Variants in CD163L1 observed in about 807,000 individuals in gnomAD.
CD163L1 encodes CD163 molecule like 1, also known as scavenger receptor cysteine-rich type 1 protein M160.
Under a neutral mutation model 165.4 loss-of-function variants are expected in CD163L1, and 124 were observed. The ratio of observed to expected loss-of-function variants is 0.75; its 90% CI spans 0.65 to 0.87. CD163L1 has a LOEUF of 0.87. Among genes scored for constraint, CD163L1 ranks in the 40% least tolerant of loss-of-function variants. CD163L1 has a pLI of 0.00. For missense variants in CD163L1, 1,525 were observed against 1,799.9 expected (o/e 0.85, Z 2.76); for synonymous variants, 585 against 662.2 (o/e 0.88, Z 1.79).
chr12:7,393,655 T>A (rs1947710388), intron 8 of CD163L1, among the ~76,000 whole-genome samples: 2 of 152,190 alleles, frequency 1.3e-5, no homozygotes, highest in Admixed American at 1.3e-4. Context: ...GATGACATGA[T>A]TGTATAGTTA....
At chr12:7,337,488 T>A in the CD163L1 span, among the ~76,000 whole-genome samples, 24 of 151,356 alleles carry the variant, frequency 1.6e-4, no homozygotes, top group Admixed American at 1.4e-3. Context: ...ACACAAACAA[T>A]CCCATCAAAA....
At position 7,432,252 on chromosome 12, in the gene CD163L1, AAG is replaced by A. The variant is rs1355422443; in HGVS notation, c.766+162_766+163del. Among the ~76,000 whole-genome samples, 1 of 152,218 alleles carries A rather than the reference AAG, an allele frequency of 6.6e-6. No homozygotes were observed. The highest frequency in any genetic ancestry group is 1.9e-4 in the East Asian group (1 of 5,194). On this transcript the variant is annotated intron_variant, in intron 4 of 19. Transcript: ENST00000313599. This position sits in a 1 kb window ranked among gnomAD's most constrained non-coding sequence, Gnocchi z 4.2. ...ATTTGTTAGGAAGAGCAGTTTTAGG[AAG>A]AGTGTTTAGGAAAACTCCAGAATGG... is the stretch of plus-strand genomic sequence containing the variant.
At chr12:7,431,364 C>A (rs1400319668) in intron 4 of CD163L1, among the ~76,000 whole-genome samples, 1 of 151,742 alleles carries the variant, frequency 6.6e-6, no homozygotes, top group Admixed American at 6.6e-5. Context: ...TTGCAGTGAG[C>A]CGAGATCATG....
intron 4 of CD163L1, among the ~76,000 whole-genome samples, chr12:7,412,380 C>T (rs1213033951): frequency 6.6e-6 from 1 of 151,824 alleles, no homozygotes; most frequent in Non-Finnish European, 1.5e-5. Flanking sequence ...ACGCAGGACA[C>T]CAAAATTACA....
chr12:7,390,920 A>T (rs1947641178), intron 8 of CD163L1, among the ~76,000 whole-genome samples: 1 of 152,216 alleles, frequency 6.6e-6, no homozygotes, highest in Non-Finnish European at 1.5e-5. Flanking sequence ...GTCTTAGAGA[A>T]GGAATCTACA....
the CD163L1 span, among the ~76,000 whole-genome samples, chr12:7,336,329 T>C: frequency 2.0e-5 from 3 of 151,224 alleles, no homozygotes; most frequent in Non-Finnish European, 4.4e-5. Flanking sequence ...TATGCAGCCA[T>C]AAAAAATGAT....
the CD163L1 span, among the ~76,000 whole-genome samples, chr12:7,334,946 A>G: frequency 6.6e-6 from 1 of 152,240 alleles, no homozygotes. Flanking sequence ...GATGTGAAGG[A>G]CCTATTCAAG....
At chr12:7,402,433 T>C (rs773230945) in intron 6 of CD163L1, among the ~76,000 whole-genome samples, 4 of 152,198 alleles carry the variant, frequency 2.6e-5, no homozygotes, top group African/African-American at 9.6e-5. Context: ...ATCTATCATC[T>C]ATCAGGCTTT....
chr12:7,383,840 A>C (rs781318542), intron 8 of CD163L1, among the ~76,000 whole-genome samples: 1 of 152,352 alleles, frequency 6.6e-6, no homozygotes, highest in East Asian at 1.9e-4. Context: ...AGCCAACCCC[A>C]AAATATGAAA....
chr12:7,326,937 A>G, the CD163L1 span: 26 of 1,549,292 alleles, frequency 1.7e-5, no homozygotes, highest in South Asian at 1.2e-4. Context: ...ATGTGTCTGA[A>G]AAACAAATGA....
At chr12:7,412,359 T>A (rs1453520389) in intron 4 of CD163L1, among the ~76,000 whole-genome samples, 1 of 152,184 alleles carries the variant, frequency 6.6e-6, no homozygotes, top group Non-Finnish European at 1.5e-5. Flanking sequence ...GACACTCTCA[T>A]ATGCTGTATT....
At position 7,369,327 on chromosome 12, in the gene CD163L1, T is replaced by C; in HGVS notation, c.4039+30A>G. On this transcript the variant is annotated intron_variant, in intron 15 of 19. Transcript: ENST00000313599. This position sits in a 1 kb window ranked among gnomAD's most constrained non-coding sequence, Gnocchi z 4.9. Reference sequence around the variant, plus strand: ...GTGTTCTCTACCATTAGTGGGAGGCTCAGTTTAAGTGCAGCCTTTTCACAC... The same window carrying C: ...GTGTTCTCTACCATTAGTGGGAGGCCCAGTTTAAGTGCAGCCTTTTCACAC... 5.6e-6 allele frequency: 9 copies of C among 1,599,286 alleles called. No individual in the cohort carries two copies. Among genetic ancestry groups the C allele is most frequent in the Non-Finnish European group, 7.7e-6 (9 of 1,170,664 alleles).
chr12:7,346,698 C>T (rs1394052943), exon 5 of CD163L1: 2 of 152,186 alleles, frequency 1.3e-5, no homozygotes, highest in African/African-American at 2.4e-5. Context: ...TGGTTTACTA[C>T]AGGGAATAAT....
rs1393210167 is a variant in CD163L1 at position 7,369,841 on chromosome 12, A to T, written c.3731-176T>A. Among the ~76,000 whole-genome samples the T allele has an allele frequency of 6.6e-6, 1 of 152,208 alleles. No homozygotes were observed. Among genetic ancestry groups the T allele is most frequent in the Non-Finnish European group, 1.5e-5 (1 of 68,034 alleles). Reference sequence around the variant, plus strand: ...ACCTGTGAAGTGAATAAACCCCTATACATGACTGTGGTTTGTCCTAGTCAC... The same window carrying T: ...ACCTGTGAAGTGAATAAACCCCTATTCATGACTGTGGTTTGTCCTAGTCAC... On this transcript the variant is annotated intron_variant, in intron 14 of 19. Transcript: ENST00000313599. This position sits in a 1 kb window ranked among gnomAD's most constrained non-coding sequence, Gnocchi z 4.9.
rs746519807 is a variant in CD163L1 at position 7,403,806 on chromosome 12, T to C, written c.1137A>G (p.Ser379=). The stretch of plus-strand genomic sequence containing the variant: ...CATGAATTCTCACCTCTACTCTCCC[T>C]GAACAATTGTTACTTCCATCTGCTA... The part of the protein sequence containing the change: ...LRLADGSNNC[S]GRVEVRIHEQ... The change falls in exon 6 of 20, where the codon TCA becomes TCG. Residue 379 remains serine (S), a synonymous_variant. Coordinates refer to ENST00000313599, the MANE Select transcript of CD163L1 (RefSeq NM_174941.6). 30 of 1,613,774 alleles carry C rather than the reference T, an allele frequency of 1.9e-5. No individual in the cohort carries two copies. The South Asian group carries it at 3.2e-4, about 17-fold the overall frequency.
At chr12:7,331,747 A>T in the CD163L1 span, among the ~76,000 whole-genome samples, 99 of 152,190 alleles carry the variant, frequency 6.5e-4, no homozygotes, top group Non-Finnish European at 1.1e-3. Context: ...GAAAACTAAC[A>T]AACAGAAAGG....
At chr12:7,392,791 A>G (rs910752891) in intron 8 of CD163L1, among the ~76,000 whole-genome samples, 2 of 152,148 alleles carry the variant, frequency 1.3e-5, no homozygotes, top group Non-Finnish European at 2.9e-5. Flanking sequence ...CACTATAAAC[A>G]CCTCTACGCA....
rs765383539 is a variant in CD163L1, at chr12:7,410,518, C to T, written c.767-3666G>A. 2.5e-4 allele frequency among the ~76,000 whole-genome samples: 38 copies of T among 151,704 alleles called. No homozygotes were observed. The South Asian group carries it at 6.3e-3, about 25-fold the overall frequency. On this transcript the variant is annotated intron_variant, in intron 4 of 19. Transcript: ENST00000313599. ...ACTCGGGAGGCTGAGGCAGGAGGAT[C>T]GCTTGAATCCAGGAGGCAGAGGTTG...
chr12:7,443,758 A>G (rs1356435619), intron 1 of CD163L1, among the ~76,000 whole-genome samples: 1 of 152,184 alleles, frequency 6.6e-6, no homozygotes, highest in African/African-American at 2.4e-5. Context: ...GACCTAAAGC[A>G]TTTACTGTAG....
Sources: gnomAD v4.1 joint callset for allele counts (sites outside exome capture counted in the v4.1 genomes callset) on GRCh38, gnomAD v4.1.1 for gene constraint, Gnocchi (gnomAD v3.1) non-coding constraint, MANE v1.5 for transcripts, NCBI Gene and HGNC (gene_info 2026-07-23, HGNC 2026-07-21) for gene names.